Variants in NAV1 observed in about 807,000 individuals in gnomAD.
NAV1 encodes the protein pore membrane and/or filament interacting like protein 3.
Under a neutral mutation model 175.2 loss-of-function variants are expected in NAV1, and 18 were observed. That is an observed-to-expected ratio of 0.10 (90% confidence interval 0.07 to 0.15). NAV1 has a LOEUF of 0.15. NAV1 is among the 10% of genes least tolerant of loss of function. The pLI is 1.00. For synonymous variants in NAV1, 897 were observed against 978.7 expected (o/e 0.92, Z 1.56); for missense variants, 1,731 against 2,436.6 (o/e 0.71, Z 6.10).
At chr1:201,814,160 T>C (rs886492533) in intron 28 of NAV1, among the ~76,000 whole-genome samples, 8 of 151,956 alleles carry the variant, frequency 5.3e-5, no homozygotes, top group African/African-American at 1.9e-4. Context: ...GCGAGAGGAC[T>C]ACTTGAGCCC....
At chr1:201,554,691 C>A (rs1288333921) in intron 1 of NAV1, among the ~76,000 whole-genome samples, 2 of 152,162 alleles carry the variant, frequency 1.3e-5, no homozygotes, top group Non-Finnish European at 2.9e-5. Context: ...CCTCCTGCAC[C>A]TTTTGGCATA....
chr1:201,709,609 C>G (rs1671812980), intron 1 of NAV1, among the ~76,000 whole-genome samples: 1 of 152,150 alleles, frequency 6.6e-6, no homozygotes, highest in Admixed American at 6.5e-5. Flanking sequence ...CCAGACCCAC[C>G]CTGGGCTGAG....
chr1:201,821,505 G>GACACACACACACACACACACACAC (rs57007517), exon 30 of NAV1: 1 of 144,562 alleles, frequency 6.9e-6, no homozygotes, highest in African/African-American at 2.6e-5. Flanking sequence ...GGTTAAAACA[G>GACACACACACACACACACACACAC]ACACACACAC....
chr1:201,653,822 A>G (rs1282921296), intron 1 of NAV1, among the ~76,000 whole-genome samples: 1 of 152,192 alleles, frequency 6.6e-6, no homozygotes, highest in African/African-American at 2.4e-5. Context: ...GGCTGTGGCA[A>G]GGTGCAGCAG....
At chr1:201,590,589 G>A (rs1320840237) in intron 2 of NAV1, among the ~76,000 whole-genome samples, 1 of 152,182 alleles carries the variant, frequency 6.6e-6, no homozygotes. Context: ...TCGGACACAG[G>A]TGTTAATGAC....
At chr1:201,626,529 G>A (rs374182095) in intron 1 of NAV1, among the ~76,000 whole-genome samples, 2 of 152,300 alleles carry the variant, frequency 1.3e-5, no homozygotes, top group South Asian at 4.1e-4. Context: ...TGGACCCAGA[G>A]AAGGTGCAAT....
chr1:201,596,356 T>C (rs1256220925), intron 2 of NAV1, among the ~76,000 whole-genome samples: 2 of 152,234 alleles, frequency 1.3e-5, no homozygotes, highest in African/African-American at 4.8e-5. Context: ...TTCCCTTCTT[T>C]GGGGTACCCT....
At chr1:201,785,057 G>A (rs535910117) in intron 7 of NAV1, among the ~76,000 whole-genome samples, 26 of 152,256 alleles carry the variant, frequency 1.7e-4, no homozygotes, top group South Asian at 4.1e-4. Context: ...CGTGAGCTAC[G>A]GCGCCCGGCC....
upstream of NAV1, among the ~76,000 whole-genome samples, chr1:201,645,920 A>G (rs1441483399): frequency 6.6e-6 from 1 of 152,226 alleles, no homozygotes; most frequent in Non-Finnish European, 1.5e-5. Flanking sequence ...AAATTAGAGA[A>G]TGACCAATGA....
intron 1 of NAV1, among the ~76,000 whole-genome samples, chr1:201,545,027 C>T (rs1427676960): frequency 6.6e-6 from 1 of 152,246 alleles, no homozygotes; most frequent in East Asian, 1.9e-4. Context: ...ATATCCTCCA[C>T]ATGAGCATCA....
chr1:201,808,996 C>G lies in NAV1; in HGVS notation c.4207+125C>G. 7.6e-7 allele frequency: 1 copy of G among 1,312,286 alleles called. No homozygotes were observed. The highest frequency in any genetic ancestry group is 1.1e-6 in the Non-Finnish European group (1 of 934,774). 81.3% of individuals were successfully genotyped at this position (1,312,286 alleles called of 1,614,324 possible). ...CCGAAGCCAAGCAGATGCCAGTGTC[C>G]TAAGACACTGAGTTGTAATGGTCCT... On this transcript the variant is annotated intron_variant, in intron 20 of 29. Transcript: ENST00000367296. This position sits in a 1 kb window ranked among gnomAD's most constrained non-coding sequence, Gnocchi z 5.5.
intron 14 of NAV1, 45 bp downstream of exon 18, chr1:201,793,920 G>T (rs367746381): frequency 3.7e-5 from 55 of 1,486,788 alleles, no homozygotes; most frequent in Non-Finnish European, 4.6e-5. Context: ...GCGGCGAGGG[G>T]GTTCTCCTGG....
chr1:201,693,345 G>A (rs1671037608), intron 1 of NAV1, among the ~76,000 whole-genome samples: 3 of 152,204 alleles, frequency 2.0e-5, no homozygotes, highest in Admixed American at 6.5e-5. Context: ...AAGAGGAGGG[G>A]CCAGATGAAA....
At chr1:201,745,790 C>T (rs991944215) in intron 3 of NAV1, among the ~76,000 whole-genome samples, 6 of 152,160 alleles carry the variant, frequency 3.9e-5, no homozygotes, top group African/African-American at 1.4e-4. Context: ...AGAAGAGCTG[C>T]TAATGAGGTT....
At chr1:201,762,033 G>C (rs1053593028) in intron 3 of NAV1, among the ~76,000 whole-genome samples, 1 of 152,076 alleles carries the variant, frequency 6.6e-6, no homozygotes, top group Non-Finnish European at 1.5e-5. Context: ...GGTGGCACCC[G>C]CATGTAGTCC....
chr1:201,651,122 CGTGTGTGTGT>C (rs60462710), intron 1 of NAV1, among the ~76,000 whole-genome samples: 77 of 129,154 alleles, frequency 6.0e-4, no homozygotes, highest in African/African-American at 2.0e-3. Context: ...AGGAAGGGAC[CGTGTGTGTGT>C]GTGTGTGTGT....
rs569834653 is a variant in NAV1 at position 201,566,106 on chromosome 1, C to A, written c.-143-22433C>A. ...TCCTGTGGGCTCCAGGGGCCTCCCC[C>A]ACACTCTGCCCCATCTCCCAGTTTC... is the stretch of plus-strand genomic sequence containing the variant. On this transcript the variant is annotated intron_variant, in intron 1 of 33. Coordinates refer to the NAV1 transcript ENST00000685211. Among the ~76,000 whole-genome samples the A allele has an allele frequency of 4.6e-4, 70 of 152,322 alleles. No homozygotes were observed. The South Asian group carries it at 6.6e-3, about 14-fold the overall frequency.
intron 2 of NAV1, among the ~76,000 whole-genome samples, chr1:201,640,462 G>T (rs191985946): frequency 1.3e-4 from 20 of 152,310 alleles, no homozygotes; most frequent in African/African-American, 4.6e-4. Flanking sequence ...TCCCAGCTGG[G>T]ATTACTGCCT....
chr1:201,713,403 G>A (rs938502084), intron 2 of NAV1, among the ~76,000 whole-genome samples: 1 of 152,144 alleles, frequency 6.6e-6, no homozygotes, highest in African/African-American at 2.4e-5. Flanking sequence ...AGCCACTGAG[G>A]GAGGCTTGAG....
Sources: allele counts gnomAD v4.1 joint callset (sites outside exome capture counted in the v4.1 genomes callset), GRCh38; gene constraint gnomAD v4.1.1; non-coding constraint Gnocchi (gnomAD v3.1); transcripts MANE v1.5; gene names NCBI Gene and HGNC (gene_info 2026-07-23, HGNC 2026-07-21).